Variants in PAAF1 observed in about 807,000 individuals in gnomAD.
PAAF1 encodes proteasomal ATPase-associated factor 1.
Under a neutral mutation model 52.8 loss-of-function variants are expected in PAAF1, and 46 were observed. That is an observed-to-expected ratio of 0.87 (90% CI 0.69 to 1.11). PAAF1 has a LOEUF of 1.11. Ranked by LOEUF, PAAF1 falls within the 50% of genes most tolerant of loss-of-function variation. The pLI is 0.00. For synonymous variants in PAAF1, 178 were observed against 172.8 expected, an observed-to-expected ratio of 1.03 and a Z score of -0.24; for missense variants, 424 against 477.4, an observed-to-expected ratio of 0.89 and a Z score of 1.04.
intron 2 of PAAF1, chr11:73,886,992 C>T (rs1022357073): frequency 2.2e-6 from 1 of 447,436 alleles, no homozygotes; most frequent in African/African-American, 2.0e-5. Flanking sequence ...ACCATGTGAT[C>T]TCTGCATACA....
At chr11:73,916,207 G>A (rs757230296) in intron 8 of PAAF1, among the ~76,000 whole-genome samples, 1 of 152,130 alleles carries the variant, frequency 6.6e-6, no homozygotes, top group Non-Finnish European at 1.5e-5. Context: ...AATTGCAAGT[G>A]TTTCTCAGAA....
intron 9 of PAAF1, among the ~76,000 whole-genome samples, chr11:73,918,226 T>C (rs1950118966): frequency 6.6e-6 from 1 of 152,080 alleles, no homozygotes; most frequent in Non-Finnish European, 1.5e-5. Context: ...TGAGAAGTGA[T>C]ACCAGCAGGA....
chr11:73,889,866 G>A (rs1053191458), intron 3 of PAAF1, among the ~76,000 whole-genome samples: 1 of 152,204 alleles, frequency 6.6e-6, no homozygotes, highest in Non-Finnish European at 1.5e-5. Context: ...AGGCAGCCAG[G>A]CATGGATATG....
At chr11:73,898,962 T>C (rs867933284) in intron 4 of PAAF1, among the ~76,000 whole-genome samples, 184 bp from the exon 5 acceptor site, 9 of 152,366 alleles carry the variant, frequency 5.9e-5, no homozygotes, top group Middle Eastern at 6.8e-3. Context: ...AGGTGTTTAC[T>C]TCAGCCTTGT....
intron 1 of PAAF1, among the ~76,000 whole-genome samples, chr11:73,877,785 C>T (rs954402656): frequency 1.3e-5 from 2 of 152,100 alleles, no homozygotes; most frequent in African/African-American, 4.8e-5. Flanking sequence ...ACTCGGGAGG[C>T]TGAGGCAGGA....
chr11:73,897,917 C>T (rs920397486), intron 4 of PAAF1, among the ~76,000 whole-genome samples: 1 of 152,180 alleles, frequency 6.6e-6, no homozygotes, highest in African/African-American at 2.4e-5. Flanking sequence ...GAACGAGACT[C>T]CGTCTGCAAT....
At chr11:73,907,310 T>G (rs914088481) in intron 6 of PAAF1, among the ~76,000 whole-genome samples, 1 of 152,156 alleles carries the variant, frequency 6.6e-6, no homozygotes, top group Non-Finnish European at 1.5e-5. Flanking sequence ...GCTGGGTAGA[T>G]AAGAATGTTC....
At chr11:73,926,954 A>G (rs2135243522) in intron 11 of PAAF1, among the ~76,000 whole-genome samples, 1 of 152,318 alleles carries the variant, frequency 6.6e-6, no homozygotes, top group South Asian at 2.1e-4. Flanking sequence ...TATAAGGTTC[A>G]AGAATAGTCA....
chr11:73,924,672 G>A lies in PAAF1; in HGVS notation c.1076G>A (p.Gly359Glu), dbSNP rs1950306523. 1 of 1,613,844 alleles carries A rather than the reference G, an allele frequency of 6.2e-7. No homozygotes were observed. Among genetic ancestry groups the A allele is most frequent in the African/African-American group, 1.3e-5 (1 of 74,874 alleles). Reference protein sequence around the residue: ...QDLDYVTELTGADCDPVYKVA... With the variant: ...QDLDYVTELTEADCDPVYKVA... ...TTAGACTATGTCACTGAGCTCACTG[G>A]GGCTGACTGTGACCCTGTGTACAAG... Residue 359 changes from glycine (G) to glutamate (E), a missense_variant, in exon 11 of 12, where the codon GGG (glycine) becomes GAG (glutamate). Coordinates refer to ENST00000310571, the MANE Select transcript of PAAF1 (RefSeq NM_025155.3).
rs1591120184 is a variant in PAAF1, at chr11:73,916,553, C to T, written c.828C>T (p.Leu276=). The change falls in exon 9 of 12, where the codon CTC becomes CTT. Residue 276 remains leucine, a synonymous_variant. Transcript: ENST00000310571. The part of the protein sequence containing the change: ...LGLQSRQLVF[L]FIGSDAFNCC... ...CTCCTACTTGTTCCCAGGTGTTCCT[C>T]TTTATTGGCTCAGACGCTTTCAACT... 6.2e-7 allele frequency: 1 copy of T among 1,611,496 alleles called. No homozygotes were observed. Among genetic ancestry groups the T allele is most frequent in the Non-Finnish European group, 8.5e-7 (1 of 1,178,560 alleles).
intron 2 of PAAF1, among the ~76,000 whole-genome samples, chr11:73,883,911 A>G (rs1456309974): frequency 1.3e-5 from 2 of 152,174 alleles, no homozygotes; most frequent in Non-Finnish European, 2.9e-5. Context: ...CCATTCATCA[A>G]TTAATGGACA....
chr11:73,897,593 C>T (rs568910980), intron 4 of PAAF1, among the ~76,000 whole-genome samples: 9 of 150,320 alleles, frequency 6.0e-5, no homozygotes, highest in Admixed American at 2.6e-4. Context: ...TGATGGCGGC[C>T]GGGAAGAGGC....
At chr11:73,919,160 T>A in intron 10 of PAAF1, 128 bp downstream of exon 10, 1 of 741,326 alleles carries the variant, frequency 1.3e-6, no homozygotes, top group South Asian at 1.8e-5. Flanking sequence ...ATTGTACCTA[T>A]CAATAGTGTT....
intron 4 of PAAF1, among the ~76,000 whole-genome samples, chr11:73,895,071 A>G (rs1949307640): frequency 6.6e-6 from 1 of 152,238 alleles, no homozygotes; most frequent in South Asian, 2.1e-4. Context: ...TTTATTAATC[A>G]CCTACTATAT....
chr11:73,903,111 C>T (rs1949668725), intron 6 of PAAF1, among the ~76,000 whole-genome samples: 1 of 152,192 alleles, frequency 6.6e-6, no homozygotes, highest in South Asian at 2.1e-4. Flanking sequence ...TATAACAGCC[C>T]TGACTTTTTT....
chr11:73,894,275 G>A (rs1949285195), intron 4 of PAAF1, among the ~76,000 whole-genome samples: 1 of 152,186 alleles, frequency 6.6e-6, no homozygotes, highest in South Asian at 2.1e-4. Flanking sequence ...GTCCAAGGCA[G>A]GAGGATCACT....
intron 7 of PAAF1, among the ~76,000 whole-genome samples, chr11:73,911,381 C>T (rs575213722): frequency 1.3e-5 from 2 of 152,248 alleles, no homozygotes; most frequent in East Asian, 1.9e-4. Context: ...CAGGGTCTCA[C>T]TATGTTGCCC....
chr11:73,900,559 C>A, intron 6 of PAAF1, 139 bp downstream of exon 6: 1 of 966,274 alleles, frequency 1.0e-6, no homozygotes, highest in Non-Finnish European at 1.5e-6. Context: ...TGCCATTTCC[C>A]TAAGGACCAG....
At chr11:73,924,516 T>C (rs1352542251) in intron 10 of PAAF1, 99 bp from the exon 11 acceptor site, 1 of 984,336 alleles carries the variant, frequency 1.0e-6, no homozygotes, top group African/African-American at 1.6e-5. Flanking sequence ...GACCATCTTC[T>C]TTACACTAGT....
Sources: allele counts gnomAD v4.1 joint callset (sites outside exome capture counted in the v4.1 genomes callset), GRCh38; gene constraint gnomAD v4.1.1; transcripts MANE v1.5; gene names NCBI Gene and HGNC (gene_info 2026-07-23, HGNC 2026-07-21).